WNT7A: variants seen among roughly 807,000 people sequenced by gnomAD.
WNT7A encodes Wnt family member 7A, also known as protein Wnt-7a.
Under a neutral mutation model 28.2 loss-of-function variants are expected in WNT7A, and 16 were observed. The observed-to-expected ratio is 0.57, with a 90% CI of 0.38 to 0.86. The LOEUF (loss-of-function observed/expected upper bound fraction) is 0.86, where lower values mean the gene tolerates loss of function less well. WNT7A is among the 40% of genes least tolerant of loss of function. WNT7A has a pLI of 0.00. For synonymous variants in WNT7A, 190 were observed against 195.9 expected (o/e 0.97, Z 0.25); for missense variants, 411 against 489.7 (o/e 0.84, Z 1.52).
chr3:13,818,912 C>A lies in WNT7A; in HGVS notation c.*32G>T. ...CGGTCCAGTCCTCCCAGCAATCTGA[C>A]TTGCAGCGGGAGGGTGGTGTGCACA... On this transcript the variant is annotated 3_prime_UTR_variant, in exon 4 of 4. Transcript: ENST00000285018. 6.5e-7 allele frequency: 1 copy of A among 1,545,484 alleles called. No homozygotes were observed. Among genetic ancestry groups the A allele is most frequent in the Non-Finnish European group, 8.8e-7 (1 of 1,140,940 alleles).
chr3:13,866,422 C>T (rs1032362611), intron 2 of WNT7A, among the ~76,000 whole-genome samples: 14 of 152,202 alleles, frequency 9.2e-5, no homozygotes, highest in African/African-American at 3.4e-4. Flanking sequence ...GGTAAATGAC[C>T]AAGCAGTAAG....
intron 3 of WNT7A, among the ~76,000 whole-genome samples, chr3:13,829,438 G>A (rs551171918): frequency 1.3e-5 from 2 of 152,334 alleles, no homozygotes; most frequent in East Asian, 3.9e-4. Flanking sequence ...TTGCGGCCTG[G>A]CACCAGGTAT....
chr3:13,851,884 CGAAATGCCAATAGGG>C (rs1347548053), intron 3 of WNT7A, among the ~76,000 whole-genome samples: 1 of 152,204 alleles, frequency 6.6e-6, no homozygotes, highest in Non-Finnish European at 1.5e-5. Context: ...ACAAAGGCCC[CGAAATGCCAATAGGG>C]GAAACTATAA....
intron 3 of WNT7A, 64 bp from the exon 4 acceptor site, chr3:13,819,487 C>T: frequency 6.4e-7 from 1 of 1,568,542 alleles, no homozygotes; most frequent in Non-Finnish European, 8.6e-7. Context: ...AGTGCAGCCC[C>T]CAGCTCCCCC....
intron 2 of WNT7A, among the ~76,000 whole-genome samples, chr3:13,856,966 A>G (rs60907244): frequency 1.8e-4 from 22 of 120,062 alleles, no homozygotes; most frequent in African/African-American, 3.6e-4. Context: ...GAAGAAGAAG[A>G]AGGAGAAGAA....
chr3:13,875,244 G>A, intron 1 of WNT7A, 71 bp from the exon 2 acceptor site: 3 of 1,548,108 alleles, frequency 1.9e-6, no homozygotes. Flanking sequence ...CCCTTCGTAG[G>A]TGTCCAGCAC....
chr3:13,854,408 G>C (rs1444587286), intron 3 of WNT7A, 124 bp downstream of exon 3: 12 of 1,501,580 alleles, frequency 8.0e-6, no homozygotes, highest in East Asian at 6.8e-5. Flanking sequence ...CCAGCACCAA[G>C]CAGAATGAGG....
chr3:13,824,574 A>G (rs2124829341), intron 3 of WNT7A, among the ~76,000 whole-genome samples: 1 of 152,330 alleles, frequency 6.6e-6, no homozygotes, highest in South Asian at 2.1e-4. Flanking sequence ...GCATCCAGCC[A>G]TGACCACAGT....
intron 3 of WNT7A, among the ~76,000 whole-genome samples, chr3:13,844,564 C>T (rs980735762): frequency 1.3e-5 from 2 of 152,160 alleles, no homozygotes; most frequent in African/African-American, 4.8e-5. Flanking sequence ...ACCAAGGGTC[C>T]CCAAGGATGT....
chr3:13,853,625 C>G (rs902208377), intron 3 of WNT7A, among the ~76,000 whole-genome samples: 28 of 152,348 alleles, frequency 1.8e-4, no homozygotes, highest in African/African-American at 6.5e-4. Context: ...CAGCCTCTGA[C>G]AGTTCCCAGT....
chr3:13,864,868 G>T (rs936139489), intron 2 of WNT7A, among the ~76,000 whole-genome samples: 1 of 152,164 alleles, frequency 6.6e-6, no homozygotes, highest in South Asian at 2.1e-4. Context: ...GGAAACTCAG[G>T]CATTCTGAAT....
intron 2 of WNT7A, among the ~76,000 whole-genome samples, chr3:13,873,458 A>C (rs139016615): frequency 6.6e-6 from 1 of 152,092 alleles, no homozygotes; most frequent in Non-Finnish European, 1.5e-5. Context: ...ATGCAAGTCA[A>C]TGCACCTGCA....
chr3:13,839,910 C>G lies in WNT7A; in HGVS notation c.570+14622G>C, dbSNP rs1037220860. 2.6e-5 allele frequency among the ~76,000 whole-genome samples: 4 copies of G among 152,188 alleles called. 1 individual carries two copies. The highest frequency in any genetic ancestry group is 2.6e-4 in the Admixed American group (4 of 15,284). On this transcript the variant is annotated intron_variant, in intron 3 of 3. Transcript: ENST00000285018. ...GCCAAGCAGCCAGGAGGGAGCAGGG[C>G]TGGGAACCAGCAAGCAGGGGTGCAG...
At chr3:13,855,701 C>T (rs1330423928) in intron 2 of WNT7A, among the ~76,000 whole-genome samples, 1 of 152,140 alleles carries the variant, frequency 6.6e-6, no homozygotes, top group Admixed American at 6.5e-5. Flanking sequence ...GCTACGTCTG[C>T]TTTACAGGGT....
At chr3:13,850,344 C>T (rs1210137458) in intron 3 of WNT7A, among the ~76,000 whole-genome samples, 1 of 152,196 alleles carries the variant, frequency 6.6e-6, no homozygotes, top group Non-Finnish European at 1.5e-5. Flanking sequence ...CTGGGCTCCG[C>T]CCCAGCTGCC....
At chr3:13,854,983 A>G (rs1041099997) in intron 2 of WNT7A, among the ~76,000 whole-genome samples, 180 bp from the exon 3 acceptor site, 3 of 152,206 alleles carry the variant, frequency 2.0e-5, no homozygotes, top group African/African-American at 7.2e-5. Flanking sequence ...AGCACCTCCC[A>G]TTACACACAC....
At chr3:13,842,584 ATGT>A (rs1347711726) in intron 3 of WNT7A, among the ~76,000 whole-genome samples, 12 of 152,330 alleles carry the variant, frequency 7.9e-5, no homozygotes, top group Middle Eastern at 3.4e-3. Context: ...CTCTGGACAG[ATGT>A]TGTAGGTAGA....
At chr3:13,854,384 G>T in intron 3 of WNT7A, 148 bp downstream of exon 3, 1 of 1,335,416 alleles carries the variant, frequency 7.5e-7, no homozygotes, top group Non-Finnish European at 1.1e-6. Flanking sequence ...ATCCTGACCA[G>T]CTACAAGCTG....
chr3:13,854,813 G>A lies in WNT7A; in HGVS notation c.299-10C>T, dbSNP rs748695469. 7 of 1,610,992 alleles carry A rather than the reference G, an allele frequency of 4.3e-6. No homozygotes were observed. Among genetic ancestry groups the A allele is most frequent in the Non-Finnish European group, 5.1e-6 (6 of 1,180,038 alleles). ...GCAGCCTCCCGGCTCCCTGCGAGGA[G>A]GAGAGAAGAGGAGACAAGTTGGGGT... On this transcript the variant is annotated splice_polypyrimidine_tract_variant and intron_variant, in intron 2 of 3. Transcript: ENST00000285018.
Sources: allele counts gnomAD v4.1 joint callset (sites outside exome capture counted in the v4.1 genomes callset), GRCh38; gene constraint gnomAD v4.1.1; transcripts MANE v1.5; gene names NCBI Gene and HGNC (gene_info 2026-07-23, HGNC 2026-07-21).